The following TRMU variants were observed in gnomAD, a reference collection of about 807,000 sequenced individuals.
TRMU encodes the protein mitochondrial tRNA-specific 2-thiouridylase 1.
TRMU carries 49 observed loss-of-function variants against 46.9 expected under a neutral mutation model. The observed-to-expected ratio is 1.05, with a 90% CI of 0.83 to 1.33. The LOEUF (loss-of-function observed/expected upper bound fraction) is 1.33, where lower values mean the gene tolerates loss of function less well. Ranked by LOEUF, TRMU falls within the 40% of genes most tolerant of loss-of-function variation. TRMU has a pLI of 0.00. For missense variants in TRMU, 572 were observed against 532.4 expected, an observed-to-expected ratio of 1.07 and a Z score of -0.73; for synonymous variants, 241 against 200.9, an observed-to-expected ratio of 1.20 and a Z score of -1.69.
rs560731916 is a variant in TRMU at position 46,336,887 on chromosome 22, T to A, written c.83-892T>A. ...AGAGACTTGGAGGTGGAGGCGGCCC[T>A]CCCGGCACAGTCAGCAGTGCAAGCA... On this transcript the variant is annotated intron_variant, in intron 1 of 10. Transcript: ENST00000645190. The surrounding 1 kb of genome is among the most constrained non-coding windows in gnomAD (Gnocchi z 4.1). 6.6e-6 allele frequency among the ~76,000 whole-genome samples: 1 copy of A among 151,958 alleles called. No individual in the cohort carries two copies. Among genetic ancestry groups the A allele is most frequent in the Non-Finnish European group, 1.5e-5 (1 of 67,998 alleles).
chr22:46,340,144 G>C (rs980254776), intron 2 of TRMU, among the ~76,000 whole-genome samples: 2 of 152,172 alleles, frequency 1.3e-5, no homozygotes, highest in African/African-American at 4.8e-5. Flanking sequence ...GACCTGGACC[G>C]AGGTCTGGGG....
intron 8 of TRMU, chr22:46,354,924 TCTGGGGCCCCCCAGACCAGGGCCAGTC>T (rs2078550181): frequency 5.8e-6 from 1 of 172,488 alleles, no homozygotes; most frequent in Non-Finnish European, 1.3e-5. Context: ...ACCTAGGGTA[TCTGGGGCCCCCCAGACCAGGGCCAGTC>T]CTGGGGCACC....
In TRMU at chr22:46,337,964, C is replaced by T. The variant is rs1164352530; in HGVS notation, c.248+20C>T. ...GTTCAGGTGAGTGCGGGTCACAGCA[C>T]AAAGGAAGCTTCCTCACACTGTGGA... is the stretch of plus-strand genomic sequence containing the variant. On this transcript the variant is annotated intron_variant, in intron 2 of 10. Transcript: ENST00000645190. 6.2e-7 allele frequency: 1 copy of T among 1,613,986 alleles called. No individual in the cohort carries two copies. The highest frequency in any genetic ancestry group is 1.3e-5 in the African/African-American group (1 of 75,028).
chr22:46,335,714 A>C lies in TRMU; in HGVS notation c.-51A>C, dbSNP rs773460571. ...CTACGGCCGGGGCGGGACTTCCGGC[A>C]AGGCGCGGAAGCGGCGGTAGCTGCA... is the stretch of plus-strand genomic sequence containing the variant. On this transcript the variant is annotated 5_prime_UTR_variant, in exon 1 of 11. Transcript: ENST00000645190. The C allele has an allele frequency of 1.2e-4, 177 of 1,532,402 alleles. No homozygotes were observed. Among genetic ancestry groups the C allele is most frequent in the African/African-American group, 3.4e-4 (25 of 72,512 alleles). 94.9% of individuals were successfully genotyped at this position (1,532,402 alleles called of 1,614,324 possible). A position where few individuals can be genotyped will look rare whatever the true frequency, so the allele number is the denominator to read the frequency against.
At position 46,355,521 on chromosome 22, in the gene TRMU, T is replaced by TC. The variant is rs863224242; in HGVS notation, c.954dup (p.Ala319ArgfsTer87). 33 of 1,613,160 alleles carry TC rather than the reference T, an allele frequency of 2.0e-5. No homozygotes were observed. The South Asian group carries it at 3.6e-4, about 18-fold the overall frequency. On this transcript the variant is annotated frameshift_variant, in exon 9 of 11. Coordinates refer to ENST00000645190, the MANE Select transcript of TRMU (RefSeq NM_018006.5). LOFTEE classifies it high-confidence loss of function. ...GCGTGCACTGGATTGCGGAGGAGCC[T>TC]CCCGCAGCACTGGTCCGGGACAAGA...
Position 46,336,101 on chromosome 22 carries a change from C to A in TRMU, c.82+255C>A. 5 of 1,369,200 alleles carry A rather than the reference C, an allele frequency of 3.7e-6. No homozygotes were observed. The highest frequency in any genetic ancestry group is 4.7e-6 in the Non-Finnish European group (5 of 1,064,458). 84.8% of individuals were successfully genotyped at this position (1,369,200 alleles called of 1,614,324 possible). On this transcript the variant is annotated intron_variant, in intron 1 of 10. Coordinates refer to ENST00000645190, the MANE Select transcript of TRMU (RefSeq NM_018006.5). The surrounding 1 kb of genome is among the most constrained non-coding windows in gnomAD (Gnocchi z 4.1). The stretch of plus-strand genomic sequence containing the variant: ...GCCCCTCTCCACCCACGCGCGCCCA[C>A]CCACAGTGAGAAGCCGGCGGGCCGG...
intron 4 of TRMU, 131 bp downstream of exon 4, chr22:46,346,675 T>G: frequency 8.7e-7 from 1 of 1,155,378 alleles, no homozygotes; most frequent in Non-Finnish European, 1.2e-6. Context: ...TTGTATGGGA[T>G]TCACATTTGA....
chr22:46,337,032 A>C (rs2077996543), intron 1 of TRMU, among the ~76,000 whole-genome samples: 1 of 152,192 alleles, frequency 6.6e-6, no homozygotes, highest in Non-Finnish European at 1.5e-5. Context: ...TTAGACTGTT[A>C]GGTAGACATT....
intron 3 of TRMU, 142 bp from the exon 4 acceptor site, chr22:46,346,280 A>G: frequency 4.1e-6 from 4 of 969,346 alleles, no homozygotes; most frequent in Non-Finnish European, 2.9e-6. Flanking sequence ...TGGGATCTCT[A>G]TGTTTGGGTG....
chr22:46,336,204 G>A lies in TRMU; in HGVS notation c.82+358G>A, dbSNP rs1201563242. 9.1e-7 allele frequency: 1 copy of A among 1,103,888 alleles called. No homozygotes were observed. Among genetic ancestry groups the A allele is most frequent in the Non-Finnish European group, 1.1e-6 (1 of 890,392 alleles). 68.4% of individuals were successfully genotyped at this position (1,103,888 alleles called of 1,614,324 possible). ...CTGTGAGACCGTGGACACTGGTGAG[G>A]GGAGCTGGGATCGCCGGGCCGGGGG... On this transcript the variant is annotated intron_variant, in intron 1 of 10. Coordinates refer to ENST00000645190, the MANE Select transcript of TRMU (RefSeq NM_018006.5). The surrounding 1 kb of genome is among the most constrained non-coding windows in gnomAD (Gnocchi z 4.1).
rs1017861171 is a variant in TRMU at position 46,347,865 on chromosome 22, A to G, written c.478+1321A>G. On this transcript the variant is annotated intron_variant, in intron 4 of 10. Transcript: ENST00000645190. The surrounding 1 kb of genome is among the most constrained non-coding windows in gnomAD (Gnocchi z 5.0). ...TTCTTTCCTCAGCGTTGCTGAGCCCATCCTGAAGGCTGCAGTGATGGGGCA... is the reference window on the plus strand; with the variant it reads ...TTCTTTCCTCAGCGTTGCTGAGCCCGTCCTGAAGGCTGCAGTGATGGGGCA... 6.6e-6 allele frequency among the ~76,000 whole-genome samples: 1 copy of G among 152,168 alleles called. No individual in the cohort carries two copies. The highest frequency in any genetic ancestry group is 1.5e-5 in the Non-Finnish European group (1 of 68,020).
chr22:46,338,053 C>A lies in TRMU; in HGVS notation c.248+109C>A. 2 of 1,498,324 alleles carry A rather than the reference C, an allele frequency of 1.3e-6. No homozygotes were observed. The highest frequency in any genetic ancestry group is 1.8e-6 in the Non-Finnish European group (2 of 1,081,284). The allele number at this position is 1,498,324 out of a possible 1,614,324, so 92.8% of individuals were successfully genotyped here. A position where few individuals can be genotyped will look rare whatever the true frequency, so the allele number is the denominator to read the frequency against. On this transcript the variant is annotated intron_variant, in intron 2 of 10. Coordinates refer to ENST00000645190, the MANE Select transcript of TRMU (RefSeq NM_018006.5). The surrounding 1 kb of genome is among the most constrained non-coding windows in gnomAD (Gnocchi z 4.5). ...CGCCTGTGCTGCAGCCCAGCGCTCT[C>A]CCTCCACGGTGGTGCTGAAGACTGC...
chr22:46,344,135 A>G (rs974533576), intron 3 of TRMU, among the ~76,000 whole-genome samples: 4 of 152,228 alleles, frequency 2.6e-5, no homozygotes, highest in African/African-American at 9.6e-5. Context: ...AGGTTCAGTA[A>G]TTCTCCTAGG....
intron 3 of TRMU, among the ~76,000 whole-genome samples, chr22:46,344,468 C>T (rs1201170089): frequency 6.6e-6 from 1 of 152,178 alleles, no homozygotes; most frequent in African/African-American, 2.4e-5. Flanking sequence ...GTCGTAGTGG[C>T]AGTGGTCAAG....
intron 7 of TRMU, 105 bp downstream of exon 7, chr22:46,352,435 G>C (rs1332081352): frequency 1.0e-5 from 14 of 1,406,046 alleles, no homozygotes; most frequent in South Asian, 3.5e-5. Context: ...CACTTGGCTG[G>C]AGAATTGTAG....
rs935796951 is a variant in TRMU, at chr22:46,355,908, C to T, written c.1019-82C>T. On this transcript the variant is annotated intron_variant, in intron 9 of 10. Coordinates refer to ENST00000645190, the MANE Select transcript of TRMU (RefSeq NM_018006.5). Reference sequence around the variant, plus strand: ...AAGCAGGGGTTTTTGACCCCGTGGGCTGGTGCTCCTTTCTCCCTGGGGGCC... The same window carrying T: ...AAGCAGGGGTTTTTGACCCCGTGGGTTGGTGCTCCTTTCTCCCTGGGGGCC... 6 of 1,513,156 alleles carry T rather than the reference C, an allele frequency of 4.0e-6. No individual in the cohort carries two copies. The African/African-American group carries it at 8.4e-5, about 21-fold the overall frequency. The allele number at this position is 1,513,156 out of a possible 1,614,324, so 93.7% of individuals were successfully genotyped here.
In TRMU at chr22:46,351,527, C is replaced by T. The variant is rs373974228; in HGVS notation, c.652-594C>T. 78 of 190,524 alleles carry T rather than the reference C, an allele frequency of 4.1e-4. 1 individual carries two copies. The South Asian group carries it at 8.2e-3, about 20-fold the overall frequency. 11.8% of individuals were successfully genotyped at this position (190,524 alleles called of 1,614,324 possible). ...CATCTTCCCTGAAGAGCACGCCCAC[C>T]GCCCGTCCTCCTCTCCTCTTGTTTT... On this transcript the variant is annotated intron_variant, in intron 5 of 10. Coordinates refer to ENST00000645190, the MANE Select transcript of TRMU (RefSeq NM_018006.5). This position sits in a 1 kb window ranked among gnomAD's most constrained non-coding sequence, Gnocchi z 6.4.
At position 46,353,754 on chromosome 22, in the gene TRMU, T is replaced by C. The variant is rs1601984974; in HGVS notation, c.773-13T>C. 2 of 1,612,222 alleles carry C rather than the reference T, an allele frequency of 1.2e-6. No homozygotes were observed. The highest frequency in any genetic ancestry group is 1.7e-6 in the Non-Finnish European group (2 of 1,178,470). On this transcript the variant is annotated splice_polypyrimidine_tract_variant and intron_variant, in intron 7 of 10. Coordinates refer to ENST00000645190, the MANE Select transcript of TRMU (RefSeq NM_018006.5). ...TTGTTGCCCAGCCTCATGGAGAAAC[T>C]GTCTTTCTGTAGGTTGGTTCCTGTA...
chr22:46,346,143 CCTTAAGCCAGAAATTAACT>C (rs2147051820), intron 3 of TRMU, among the ~76,000 whole-genome samples: 1 of 152,292 alleles, frequency 6.6e-6, no homozygotes, highest in South Asian at 2.1e-4. Flanking sequence ...CAGACTGTTT[CCTTAAGCCAGAAATTAACT>C]TTGGAAAGGC....
Sources: allele counts gnomAD v4.1 joint callset (sites outside exome capture counted in the v4.1 genomes callset), GRCh38; gene constraint gnomAD v4.1.1; non-coding constraint Gnocchi (gnomAD v3.1); transcripts MANE v1.5; gene names NCBI Gene and HGNC (gene_info 2026-07-23, HGNC 2026-07-21).